Variants in DSCAML1 observed in about 807,000 individuals in gnomAD.
DSCAML1 encodes the protein cell adhesion molecule DSCAML1.
A neutral mutation model predicts 200.5 loss-of-function variants in DSCAML1; 38 were observed. The ratio of observed to expected loss-of-function variants is 0.19; its 90% CI spans 0.15 to 0.25. DSCAML1 has a LOEUF of 0.25. DSCAML1 is among the 10% of genes least tolerant of loss of function. DSCAML1 has a pLI of 1.00. For missense variants in DSCAML1, 2,223 were observed against 2,858.8 expected (o/e 0.78, Z 5.07); for synonymous variants, 1,215 against 1,165.0 (o/e 1.04, Z -0.87).
chr11:117,437,208 G>A lies in DSCAML1; in HGVS notation c.4634C>T (p.Thr1545Met), dbSNP rs2047936988. The change falls in exon 26 of 33, where the codon ACG becomes ATG. Residue 1545 changes from threonine (T) to methionine (M), a missense_variant. This residue lies in a region of DSCAML1 where 614 missense variants were observed against 739.1 expected (regional missense o/e 0.83). Transcript: ENST00000651296. The surrounding 1 kb of genome is among the most constrained non-coding windows in gnomAD (Gnocchi z 5.3). Reference sequence around the variant, plus strand: ...AGCCCTCATGCGCAGCTCGTACCACGTGGCCTCTCGCAGTTCCGTCAGAAA... The same window carrying A: ...AGCCCTCATGCGCAGCTCGTACCACATGGCCTCTCGCAGTTCCGTCAGAAA... ...EVFLTELREA[T>M]WYELRMRACN... The A allele has an allele frequency of 4.3e-6, 7 of 1,614,068 alleles. No homozygotes were observed. Among genetic ancestry groups the A allele is most frequent in the South Asian group, 1.1e-5 (1 of 91,086 alleles).
chr11:117,446,312 T>C (rs571050389), intron 20 of DSCAML1, among the ~76,000 whole-genome samples: 6 of 152,294 alleles, frequency 3.9e-5, no homozygotes, highest in Admixed American at 3.3e-4. Flanking sequence ...TGCAGTGAGC[T>C]GAGATTGTGC....
chr11:117,461,355 G>T, intron 18 of DSCAML1, 95 bp downstream of exon 18: 1 of 1,557,084 alleles, frequency 6.4e-7, no homozygotes, highest in Non-Finnish European at 8.8e-7. Context: ...TTGCCAAGCT[G>T]TGGGAGGATG....
intron 3 of DSCAML1, among the ~76,000 whole-genome samples, chr11:117,689,870 C>T (rs1296833439): frequency 6.6e-6 from 1 of 152,108 alleles, no homozygotes; most frequent in African/African-American, 2.4e-5. Context: ...CAAACGACAC[C>T]CCTGAAACTC....
chr11:117,805,757 G>A (rs1182536930), intron 1 of DSCAML1, among the ~76,000 whole-genome samples: 1 of 152,200 alleles, frequency 6.6e-6, no homozygotes, highest in Non-Finnish European at 1.5e-5. Context: ...CCTGTGCAAG[G>A]AGTTCCCCGA....
Position 117,780,218 on chromosome 11 carries a change from A to AAAG in DSCAML1, c.364+274_364+275insCTT, listed in dbSNP as rs1392701288. ...AAGAAAGAGAAAGAAAGAGAGAGAG[A>AAAG]GAAAGAAAGAAAGGAAAGAAAGAAA... On this transcript the variant is annotated intron_variant, in intron 2 of 32. Coordinates refer to ENST00000651296, the MANE Select transcript of DSCAML1 (RefSeq NM_020693.4). The surrounding 1 kb of genome is among the most constrained non-coding windows in gnomAD (Gnocchi z 4.8). Among the ~76,000 whole-genome samples, 7 of 18,176 alleles carry AAAG rather than the reference A, an allele frequency of 3.9e-4. No homozygotes were observed. Among genetic ancestry groups the AAAG allele is most frequent in the Non-Finnish European group, 9.6e-4 (6 of 6,226 alleles). The allele number at this position is 18,176 out of a possible 152,430, so 11.9% of individuals were successfully genotyped here. A position where few individuals can be genotyped will look rare whatever the true frequency, so the allele number is the denominator to read the frequency against.
rs1035993794 is a variant in DSCAML1, at chr11:117,437,649, G to T, written c.4433-240C>A. On this transcript the variant is annotated intron_variant, in intron 25 of 32. Transcript: ENST00000651296. The surrounding 1 kb of genome is among the most constrained non-coding windows in gnomAD (Gnocchi z 5.3). ...GGGGCCTCAGTAGAGGAGGAAGGGA[G>T]CTGGGAAGAGGCAAAGGAATGCCAC... is the stretch of plus-strand genomic sequence containing the variant. 6.6e-6 allele frequency among the ~76,000 whole-genome samples: 1 copy of T among 152,110 alleles called. No individual in the cohort carries two copies. The highest frequency in any genetic ancestry group is 6.5e-5 in the Admixed American group (1 of 15,278).
chr11:117,592,269 T>C (rs1187086547), intron 3 of DSCAML1, among the ~76,000 whole-genome samples: 6 of 152,176 alleles, frequency 3.9e-5, no homozygotes, highest in African/African-American at 1.4e-4. Flanking sequence ...CACCTCCTCC[T>C]GGAGGCCGGC....
At chr11:117,512,513 C>T (rs1275394392) in intron 8 of DSCAML1, among the ~76,000 whole-genome samples, 13 of 152,150 alleles carry the variant, frequency 8.5e-5, no homozygotes, top group Admixed American at 6.5e-4. Context: ...CGTCCCAGAG[C>T]CCCTCACACC....
upstream of DSCAML1, chr11:117,797,240 G>C: frequency 2.8e-6 from 4 of 1,450,168 alleles, no homozygotes; most frequent in South Asian, 5.5e-5. Flanking sequence ...CTCCCTCCTC[G>C]GCTCCCCGGC....
chr11:117,476,367 C>T (rs1230035169), intron 14 of DSCAML1, among the ~76,000 whole-genome samples: 1 of 152,176 alleles, frequency 6.6e-6, no homozygotes, highest in Admixed American at 6.5e-5. Flanking sequence ...TAATTTTCTC[C>T]TTGGATCACA....
chr11:117,758,251 G>C (rs1167246659), intron 3 of DSCAML1, among the ~76,000 whole-genome samples: 1 of 149,182 alleles, frequency 6.7e-6, no homozygotes, highest in Non-Finnish European at 1.5e-5. Flanking sequence ...GGTGAGCCAA[G>C]ATCACGCCAC....
chr11:117,724,258 T>C (rs2054086631), intron 3 of DSCAML1, among the ~76,000 whole-genome samples: 1 of 152,160 alleles, frequency 6.6e-6, no homozygotes, highest in African/African-American at 2.4e-5. Context: ...GCTGAGGCCA[T>C]AGGAGAAGTC....
rs763953263 is a variant in DSCAML1, at chr11:117,504,906, G to C, written c.2182+18C>G. The stretch of plus-strand genomic sequence containing the variant: ...GTCCCTGCCCTTCTTGGAGATTCTG[G>C]CTGGGCCAGGGGCTTACCCTTGGCA... On this transcript the variant is annotated intron_variant, in intron 10 of 32. Transcript: ENST00000651296. The surrounding 1 kb of genome is among the most constrained non-coding windows in gnomAD (Gnocchi z 5.0). 1.9e-6 allele frequency: 3 copies of C among 1,586,322 alleles called. No individual in the cohort carries two copies. In the African/African-American group the frequency reaches 4.0e-5, roughly 21 times the overall value.
intron 1 of DSCAML1, among the ~76,000 whole-genome samples, chr11:117,785,630 C>A (rs1207820878): frequency 2.0e-5 from 3 of 152,140 alleles, no homozygotes; most frequent in Non-Finnish European, 4.4e-5. Flanking sequence ...CAGTCCCCGA[C>A]AGTGGTGCCT....
chr11:117,700,857 A>G (rs1276277071), intron 3 of DSCAML1, among the ~76,000 whole-genome samples: 1 of 152,214 alleles, frequency 6.6e-6, no homozygotes, highest in Non-Finnish European at 1.5e-5. Flanking sequence ...AAGCCACAGG[A>G]CCACTATCAG....
At chr11:117,680,851 G>A (rs75914119) in intron 3 of DSCAML1, among the ~76,000 whole-genome samples, 203 of 152,344 alleles carry the variant, frequency 1.3e-3, no homozygotes, top group African/African-American at 4.5e-3. Flanking sequence ...CTGCAGCAGT[G>A]AGAACAGCAG....
In DSCAML1 at chr11:117,666,402, C is replaced by T. The variant is rs561906821; in HGVS notation, c.511+110389G>A. Among the ~76,000 whole-genome samples the T allele has an allele frequency of 6.4e-4, 97 of 152,294 alleles. 1 individual carries two copies. Among genetic ancestry groups the T allele is most frequent in the African/African-American group, 2.1e-3 (88 of 41,576 alleles). ...CCCCTGCCTCTGTCTAATAGTCAGACGCCTACATTATAACAGAGTACCCCT... is the reference window on the plus strand; with the variant it reads ...CCCCTGCCTCTGTCTAATAGTCAGATGCCTACATTATAACAGAGTACCCCT... On this transcript the variant is annotated intron_variant, in intron 3 of 32. Coordinates refer to ENST00000651296, the MANE Select transcript of DSCAML1 (RefSeq NM_020693.4).
chr11:117,803,246 C>T (rs2055677775), intron 1 of DSCAML1, among the ~76,000 whole-genome samples: 1 of 152,078 alleles, frequency 6.6e-6, no homozygotes, highest in Non-Finnish European at 1.5e-5. Flanking sequence ...TAACTGTGGC[C>T]TCAGGTGCCT....
At chr11:117,789,721 G>A (rs2055425299) in intron 1 of DSCAML1, among the ~76,000 whole-genome samples, 1 of 152,188 alleles carries the variant, frequency 6.6e-6, no homozygotes, top group African/African-American at 2.4e-5. Context: ...GGGCTGTCAA[G>A]TGGAAGAGGG....
Sources: gnomAD v4.1 joint callset for allele counts (sites outside exome capture counted in the v4.1 genomes callset) on GRCh38, gnomAD v4.1.1 for gene constraint, gnomAD v4.1.1 regional missense constraint, Gnocchi (gnomAD v3.1) non-coding constraint, MANE v1.5 for transcripts, NCBI Gene and HGNC (gene_info 2026-07-23, HGNC 2026-07-21) for gene names.